Variants in RBFOX1 observed in about 807,000 individuals in gnomAD.
RBFOX1 encodes RNA binding fox-1 homolog 1.
RBFOX1 carries 8 observed loss-of-function variants against 57.7 expected under a neutral mutation model. The ratio of observed to expected loss-of-function variants is 0.14; its 90% CI spans 0.08 to 0.25. The LOEUF is 0.25. Ranked by LOEUF, RBFOX1 falls within the 10% of genes least tolerant of loss-of-function variation. The pLI is 1.00. For synonymous variants in RBFOX1, 326 were observed against 222.4 expected, an observed-to-expected ratio of 1.47 and a Z score of -4.15; for missense variants, 611 against 548.5, an observed-to-expected ratio of 1.11 and a Z score of -1.14.
intron 2 of RBFOX1, among the ~76,000 whole-genome samples, chr16:5,558,246 A>G (rs1481102908): frequency 6.6e-6 from 1 of 152,124 alleles, no homozygotes; most frequent in East Asian, 1.9e-4. Flanking sequence ...GCTGATTAAC[A>G]CACAAGCTGT....
intron 2 of RBFOX1, among the ~76,000 whole-genome samples, chr16:6,576,064 C>T (rs1427685066): frequency 6.6e-6 from 1 of 152,116 alleles, no homozygotes; most frequent in Non-Finnish European, 1.5e-5. Context: ...ACTAGCATGG[C>T]AGGCTCACTG....
rs373566639 is a variant in RBFOX1, at chr16:7,567,251, CTATA to C, written c.271-12516_271-12513del. Among the ~76,000 whole-genome samples the C allele has an allele frequency of 1.9e-4, 14 of 74,010 alleles. 2 individuals are homozygous for C. The highest frequency in any genetic ancestry group is 3.7e-4 in the African/African-American group (6 of 16,426). 48.6% of individuals were successfully genotyped at this position (74,010 alleles called of 152,430 possible). ...TCCCTATATATATATCCATATATCC[CTATA>C]TATATATATCCCTATATATATATCC... is the stretch of plus-strand genomic sequence containing the variant. On this transcript the variant is annotated intron_variant, in intron 5 of 15. Coordinates refer to ENST00000550418, the MANE Select transcript of RBFOX1 (RefSeq NM_018723.4).
At chr16:7,373,502 C>A (rs574155511) in intron 4 of RBFOX1, among the ~76,000 whole-genome samples, 1 of 152,258 alleles carries the variant, frequency 6.6e-6, no homozygotes, top group South Asian at 2.1e-4. Flanking sequence ...GTGTTAATCT[C>A]CAGTCCCTTG....
At chr16:6,784,643 G>A (rs1436342690) in intron 3 of RBFOX1, among the ~76,000 whole-genome samples, 1 of 151,946 alleles carries the variant, frequency 6.6e-6, no homozygotes, top group Non-Finnish European at 1.5e-5. Context: ...ATTTGGTGAG[G>A]TCGTGTTTTC....
At chr16:5,251,932 C>G (rs1159300286) in intron 1 of RBFOX1, among the ~76,000 whole-genome samples, 18 of 152,010 alleles carry the variant, frequency 1.2e-4, no homozygotes, top group Non-Finnish European at 2.4e-4. Flanking sequence ...CTAATAGGTC[C>G]TGAACCAGTG....
At chr16:6,733,978 G>C (rs994837304) in intron 3 of RBFOX1, among the ~76,000 whole-genome samples, 2 of 152,144 alleles carry the variant, frequency 1.3e-5, no homozygotes, top group African/African-American at 4.8e-5. Context: ...TAAAGACAAA[G>C]TTTATAGGAC....
chr16:7,275,129 C>T (rs1603471833), intron 4 of RBFOX1, among the ~76,000 whole-genome samples: 2 of 151,968 alleles, frequency 1.3e-5, no homozygotes, highest in Admixed American at 6.6e-5. Context: ...TTGCTTATAT[C>T]TGAGAGGGAT....
chr16:5,291,291 C>A (rs897608933), intron 1 of RBFOX1, among the ~76,000 whole-genome samples: 3 of 122,092 alleles, frequency 2.5e-5, no homozygotes, highest in South Asian at 5.3e-4. Flanking sequence ...GAGACGGAGT[C>A]TCACTCTGTC....
At chr16:5,783,870 G>C (rs2054407394) in intron 3 of RBFOX1, among the ~76,000 whole-genome samples, 1 of 152,126 alleles carries the variant, frequency 6.6e-6, no homozygotes, top group African/African-American at 2.4e-5. Context: ...GATCATAATG[G>C]GATTGTTGTG....
intron 3 of RBFOX1, among the ~76,000 whole-genome samples, chr16:6,834,368 C>T (rs947429548): frequency 3.3e-5 from 5 of 152,106 alleles, no homozygotes; most frequent in Admixed American, 2.0e-4. Flanking sequence ...TGAGGCACCA[C>T]GCCTGGCCCT....
intron 4 of RBFOX1, among the ~76,000 whole-genome samples, chr16:7,138,610 C>G (rs187414554): frequency 6.6e-6 from 1 of 152,166 alleles, no homozygotes; most frequent in African/African-American, 2.4e-5. Flanking sequence ...ATGTAACCCC[C>G]CATTATGCAA....
At chr16:6,777,079 C>T (rs749206189) in intron 3 of RBFOX1, among the ~76,000 whole-genome samples, 4 of 152,004 alleles carry the variant, frequency 2.6e-5, no homozygotes, top group Admixed American at 2.0e-4. Context: ...CTGTGTTAAC[C>T]GTGTTGTATA....
At chr16:7,387,818 C>T (rs973004795) in intron 4 of RBFOX1, among the ~76,000 whole-genome samples, 1 of 151,936 alleles carries the variant, frequency 6.6e-6, no homozygotes, top group Non-Finnish European at 1.5e-5. Flanking sequence ...TGTAGGGCTT[C>T]GCCATCAGTT....
At chr16:5,990,687 G>A (rs2060377501) in intron 4 of RBFOX1, among the ~76,000 whole-genome samples, 1 of 152,010 alleles carries the variant, frequency 6.6e-6, no homozygotes, top group Non-Finnish European at 1.5e-5. Context: ...GTGAATTTGG[G>A]CCAGGCACAG....
chr16:6,979,934 C>A (rs1242206460), intron 3 of RBFOX1, among the ~76,000 whole-genome samples: 1 of 152,124 alleles, frequency 6.6e-6, no homozygotes, highest in African/African-American at 2.4e-5. Flanking sequence ...CTGCCAGTTT[C>A]TGAGAGGTCT....
chr16:7,040,918 GT>G (rs61429660), intron 3 of RBFOX1, among the ~76,000 whole-genome samples: 14,142 of 99,544 alleles, frequency 0.14, 1,109 homozygotes, highest in East Asian at 0.4. Flanking sequence ...TTGTTTTTTT[GT>G]TTTTTTGCTG....
chr16:6,638,838 G>A (rs535342201), intron 2 of RBFOX1, among the ~76,000 whole-genome samples: 4 of 152,294 alleles, frequency 2.6e-5, no homozygotes, highest in South Asian at 4.1e-4. Flanking sequence ...ACTTAAGGCT[G>A]TAGACAATAA....
At chr16:7,110,398 A>C (rs2064494371) in intron 4 of RBFOX1, among the ~76,000 whole-genome samples, 1 of 108,740 alleles carries the variant, frequency 9.2e-6, no homozygotes, top group African/African-American at 2.8e-5. Flanking sequence ...AGTTGACTAC[A>C]TTGAGGGGTT....
intron 4 of RBFOX1, among the ~76,000 whole-genome samples, chr16:7,069,887 A>G (rs545670971): frequency 6.6e-6 from 1 of 152,156 alleles, no homozygotes; most frequent in Non-Finnish European, 1.5e-5. Flanking sequence ...TTGCGCTTGA[A>G]TTTTACCCCA....
Sources: allele counts gnomAD v4.1 joint callset (sites outside exome capture counted in the v4.1 genomes callset), GRCh38; gene constraint gnomAD v4.1.1; transcripts MANE v1.5; gene names NCBI Gene and HGNC (gene_info 2026-07-23, HGNC 2026-07-21).